Variants in ADCK5 observed in about 807,000 individuals in gnomAD.
The protein encoded by ADCK5 is aarF domain containing kinase 5, also known as uncharacterized aarF domain-containing protein kinase 5.
ADCK5 carries 43 observed loss-of-function variants against 64.9 expected under a neutral mutation model. That is an observed-to-expected ratio of 0.66 (90% CI 0.52 to 0.85). The LOEUF is 0.85. ADCK5 is among the 40% of genes least tolerant of loss of function. The pLI, the probability that ADCK5 is intolerant of heterozygous loss-of-function variation, is 0.00. For synonymous variants in ADCK5, 434 were observed against 342.8 expected, an observed-to-expected ratio of 1.27 and a Z score of -2.94; for missense variants, 760 against 810.5, an observed-to-expected ratio of 0.94 and a Z score of 0.76.
Position 144,379,411 on chromosome 8 carries a change from G to A in ADCK5, c.37G>A (p.Ala13Thr), listed in dbSNP as rs1173245697. Residue 13 changes from alanine (A) to threonine (T), a missense_variant, in exon 2 of 15, where the codon GCT (alanine) becomes ACT (threonine). Physicochemically the swap from Ala to Thr is moderately conservative, Grantham distance 58. This residue lies in a region of ADCK5 where 427 missense variants were observed against 518.4 expected (regional missense o/e 0.82). Coordinates refer to ENST00000308860, the MANE Select transcript of ADCK5 (RefSeq NM_174922.5). ...RPVQLCHFHS[A>T]LLHSRQKPWP... ...GGTGCAGCTCTGTCATTTCCACTCTGCTCTGCTGCACAGCAGGCAGAAGCC... is the reference window on the plus strand; with the variant it reads ...GGTGCAGCTCTGTCATTTCCACTCTACTCTGCTGCACAGCAGGCAGAAGCC... The A allele has an allele frequency of 6.2e-7, 1 of 1,609,232 alleles. No homozygotes were observed. Among genetic ancestry groups the A allele is most frequent in the African/African-American group, 1.3e-5 (1 of 74,742 alleles).
In ADCK5 at chr8:144,392,579, G is replaced by T; in HGVS notation, c.1402G>T (p.Ala468Ser). ...MARERFEAVM[A>S]VLRELPRPML... ...CCGCGAGCGCTTCGAGGCCGTCATGGCGGTGCTCAGGGAGCTGCCGCGGCC... is the reference window on the plus strand; with the variant it reads ...CCGCGAGCGCTTCGAGGCCGTCATGTCGGTGCTCAGGGAGCTGCCGCGGCC... The change falls in exon 13 of 15, where the codon GCG becomes TCG. Residue 468 changes from alanine to serine, a missense_variant. Ala to Ser is a moderately conservative substitution (Grantham distance 99). Transcript: ENST00000308860. 6.3e-7 allele frequency: 1 copy of T among 1,577,134 alleles called. No homozygotes were observed.
Position 144,376,161 on chromosome 8 carries a change from G to C in ADCK5, c.12+2054G>C, listed in dbSNP as rs895231902. ...TTGCTCAGCCTCATGGGCCCTGGCA[G>C]GCACTGTGGGTTATCAGTGCCTGTT... On this transcript the variant is annotated intron_variant, in intron 1 of 14. Transcript: ENST00000308860. This position sits in a 1 kb window ranked among gnomAD's most constrained non-coding sequence, Gnocchi z 5.1. Among the ~76,000 whole-genome samples, 11 of 152,224 alleles carry C rather than the reference G, an allele frequency of 7.2e-5. No individual in the cohort carries two copies. Among genetic ancestry groups the C allele is most frequent in the African/African-American group, 2.7e-4 (11 of 41,456 alleles).
intron 1 of ADCK5, among the ~76,000 whole-genome samples, chr8:144,378,285 C>G (rs1819454532): frequency 6.6e-6 from 1 of 152,246 alleles, no homozygotes; most frequent in Admixed American, 6.5e-5. Flanking sequence ...TGTGTCCCCA[C>G]CCAAAGCTCA....
At chr8:144,390,812 G>C in intron 4 of ADCK5, 44 bp from the exon 5 acceptor site, 1 of 1,606,802 alleles carries the variant, frequency 6.2e-7, no homozygotes, top group Non-Finnish European at 8.5e-7. Flanking sequence ...GGACTGAGGA[G>C]GCAGCCACCT....
intron 3 of ADCK5, among the ~76,000 whole-genome samples, chr8:144,386,159 C>T (rs13256566): frequency 2.0e-5 from 3 of 151,006 alleles, no homozygotes; most frequent in Non-Finnish European, 2.9e-5. Context: ...CAGGTGTGCG[C>T]GCCACCATGC....
Position 144,389,611 on chromosome 8 carries a change from G to A in ADCK5, c.267-1060G>A, listed in dbSNP as rs142376436. ...TGCAGTGGCGCAATTTTAGCTCACCGAAACCCGCCTCCTGACTTCAAGTGA... is the reference window on the plus strand; with the variant it reads ...TGCAGTGGCGCAATTTTAGCTCACCAAAACCCGCCTCCTGACTTCAAGTGA... On this transcript the variant is annotated intron_variant, in intron 3 of 14. Coordinates refer to ENST00000308860, the MANE Select transcript of ADCK5 (RefSeq NM_174922.5). Among the ~76,000 whole-genome samples, 473 of 152,240 alleles carry A rather than the reference G, an allele frequency of 3.1e-3. 3 individuals are homozygous for A. The highest frequency in any genetic ancestry group is 0.01 in the African/African-American group (432 of 41,546).
chr8:144,379,294 C>T (rs1000037071), intron 1 of ADCK5, 93 bp from the exon 2 acceptor site: 6 of 918,032 alleles, frequency 6.5e-6, no homozygotes, highest in Admixed American at 2.9e-5. Context: ...GTTAGGCTGC[C>T]TCAGACTCCA....
At position 144,391,565 on chromosome 8, in the gene ADCK5, C is replaced by A; in HGVS notation, c.799-15C>A. 6.3e-7 allele frequency: 1 copy of A among 1,582,156 alleles called. No homozygotes were observed. Among genetic ancestry groups the A allele is most frequent in the South Asian group, 1.1e-5 (1 of 88,076 alleles). ...GGTAGGCAGAGCTGGTCTTCAACCG[C>A]CATCTGGCCCCCAGGACCTGAAGGG... On this transcript the variant is annotated splice_polypyrimidine_tract_variant and intron_variant, in intron 7 of 14. Coordinates refer to ENST00000308860, the MANE Select transcript of ADCK5 (RefSeq NM_174922.5).
intron 6 of ADCK5, 37 bp from the exon 7 acceptor site, chr8:144,391,324 G>A (rs375739029): frequency 1.2e-6 from 2 of 1,612,238 alleles, no homozygotes; most frequent in African/African-American, 1.3e-5. Flanking sequence ...GGGCACAGTG[G>A]GGCCCCAAGT....
In ADCK5 at chr8:144,377,873, G is replaced by A. The variant is rs952509556; in HGVS notation, c.13-1514G>A. Reference sequence around the variant, plus strand: ...GCTGGGCACTGTTGCCACTTCCTTCGGAGATGAGGACTGCTTTCCTCTGGC... The same window carrying A: ...GCTGGGCACTGTTGCCACTTCCTTCAGAGATGAGGACTGCTTTCCTCTGGC... On this transcript the variant is annotated intron_variant, in intron 1 of 14. Coordinates refer to ENST00000308860, the MANE Select transcript of ADCK5 (RefSeq NM_174922.5). 5.1e-4 allele frequency among the ~76,000 whole-genome samples: 77 copies of A among 152,196 alleles called. 1 individual carries two copies. Among genetic ancestry groups the A allele is most frequent in the Non-Finnish European group, 2.9e-4 (20 of 68,038 alleles).
At chr8:144,392,918 G>A (rs782596425) in intron 14 of ADCK5, 26 bp downstream of exon 14, 1 of 1,594,286 alleles carries the variant, frequency 6.3e-7, no homozygotes, top group Non-Finnish European at 8.5e-7. Context: ...GCAGGTGGGT[G>A]GCGGGGGCCT....
At chr8:144,388,859 G>T (rs1285538001) in intron 3 of ADCK5, among the ~76,000 whole-genome samples, 1 of 152,194 alleles carries the variant, frequency 6.6e-6, no homozygotes, top group Non-Finnish European at 1.5e-5. Flanking sequence ...TGGCCGGGGG[G>T]TCGCCCTGGG....
At chr8:144,375,201 G>T (rs1249786424) in intron 1 of ADCK5, among the ~76,000 whole-genome samples, 1 of 152,198 alleles carries the variant, frequency 6.6e-6, no homozygotes, top group Non-Finnish European at 1.5e-5. Flanking sequence ...TGGACAGGTC[G>T]GTTTAGCCTC....
chr8:144,387,689 G>A (rs1819984496), intron 3 of ADCK5, among the ~76,000 whole-genome samples: 1 of 149,526 alleles, frequency 6.7e-6, no homozygotes, highest in Admixed American at 6.6e-5. Flanking sequence ...ATAGGCATGA[G>A]CCACTGCGCC....
intron 1 of ADCK5, chr8:144,375,400 C>T (rs760692166): frequency 2.5e-5 from 23 of 931,366 alleles, no homozygotes; most frequent in Non-Finnish European, 2.7e-5. Flanking sequence ...CTCAGTTTCC[C>T]CTCATGTTGA....
At position 144,392,905 on chromosome 8, in the gene ADCK5, G is replaced by C; in HGVS notation, c.1637+13G>C. 6.3e-7 allele frequency: 1 copy of C among 1,598,308 alleles called. No individual in the cohort carries two copies. Among genetic ancestry groups the C allele is most frequent in the Non-Finnish European group, 8.5e-7 (1 of 1,175,318 alleles). On this transcript the variant is annotated intron_variant, in intron 14 of 14. Transcript: ENST00000308860. The stretch of plus-strand genomic sequence containing the variant: ...AAGTGGCGCTCAGGTGAGTGGCCGC[G>C]GGGCAGGTGGGTGGCGGGGGCCTGC...
At chr8:144,380,414 G>T (rs1819557444) in intron 2 of ADCK5, among the ~76,000 whole-genome samples, 1 of 150,036 alleles carries the variant, frequency 6.7e-6, no homozygotes, top group Admixed American at 6.6e-5. Flanking sequence ...AGAAACAGAT[G>T]TGTGCTCAGG....
intron 3 of ADCK5, among the ~76,000 whole-genome samples, chr8:144,383,766 C>G (rs1260877401): frequency 6.6e-6 from 1 of 152,156 alleles, no homozygotes; most frequent in East Asian, 1.9e-4. Flanking sequence ...CTGTTGGAAC[C>G]CTTGGGTGGG....
Position 144,391,599 on chromosome 8 carries a change from C to T in ADCK5, c.818C>T (p.Ala273Val). 1.3e-6 allele frequency: 2 copies of T among 1,575,216 alleles called. No individual in the cohort carries two copies. Among genetic ancestry groups the T allele is most frequent in the Non-Finnish European group, 1.7e-6 (2 of 1,165,844 alleles). The part of the protein sequence containing the change: ...WVLQDLKGTL[A>V]QELDFENEGR... ...CCCCAGGACCTGAAGGGGACCCTGG[C>T]CCAGGAGCTGGACTTCGAGAATGAG... Residue 273 changes from alanine (A) to valine (V), a missense_variant, in exon 8 of 15, where the codon GCC becomes GTC. Ala to Val is a moderately conservative substitution (Grantham distance 64). Coordinates refer to ENST00000308860, the MANE Select transcript of ADCK5 (RefSeq NM_174922.5).
Sources: allele counts gnomAD v4.1 joint callset (sites outside exome capture counted in the v4.1 genomes callset), GRCh38; gene constraint gnomAD v4.1.1; regional missense constraint gnomAD v4.1.1; non-coding constraint Gnocchi (gnomAD v3.1); transcripts MANE v1.5; gene names NCBI Gene and HGNC (gene_info 2026-07-23, HGNC 2026-07-21).